Variants in ADPRM observed in about 807,000 individuals in gnomAD.
ADPRM encodes manganese-dependent ADP-ribose/CDP-alcohol diphosphatase.
In ADPRM, 17 loss-of-function variants were observed where a neutral mutation model predicts 27.2. The observed-to-expected ratio is 0.63, with a 90% CI of 0.43 to 0.94. The LOEUF is 0.94. Ranked by LOEUF, ADPRM falls within the 40% of genes least tolerant of loss-of-function variation. ADPRM has a pLI of 0.00. For missense variants in ADPRM, 337 were observed against 412.8 expected, an observed-to-expected ratio of 0.82 and a Z score of 1.59; for synonymous variants, 135 against 145.3, an observed-to-expected ratio of 0.93 and a Z score of 0.51.
chr17:10,710,438 T>C (rs1447003382), intron 3 of ADPRM, among the ~76,000 whole-genome samples: 1 of 152,214 alleles, frequency 6.6e-6, no homozygotes, highest in African/African-American at 2.4e-5. Context: ...TCTGTGTATA[T>C]AACATTCATA....
At position 10,697,594 on chromosome 17, in the gene ADPRM, G is replaced by A. The variant is rs990330571; in HGVS notation, c.-91G>A. 1.2e-5 allele frequency: 19 copies of A among 1,520,954 alleles called. No homozygotes were observed. The highest frequency in any genetic ancestry group is 1.7e-5 in the Non-Finnish European group (19 of 1,105,622). The allele number at this position is 1,520,954 out of a possible 1,614,324, so 94.2% of individuals were successfully genotyped here. ...TCCGGAAGTCGGAAGGAGTCGCTCTGTCCGTCCCGCTCGTTGGTGGCGCTG... is the reference window on the plus strand; with the variant it reads ...TCCGGAAGTCGGAAGGAGTCGCTCTATCCGTCCCGCTCGTTGGTGGCGCTG... On this transcript the variant is annotated 5_prime_UTR_variant, in exon 1 of 4. Transcript: ENST00000379774.
chr17:10,707,909 C>G (rs1172941189), intron 3 of ADPRM, among the ~76,000 whole-genome samples: 1 of 152,124 alleles, frequency 6.6e-6, no homozygotes, highest in Non-Finnish European at 1.5e-5. Flanking sequence ...ATACACGGAA[C>G]TGAATTTGGG....
At chr17:10,710,749 TCTGAGTACTAGC>T in intron 3 of ADPRM, 73 bp from the exon 4 acceptor site, 1 of 1,324,206 alleles carries the variant, frequency 7.6e-7, no homozygotes, top group South Asian at 1.4e-5. Flanking sequence ...TTTTTCTTTT[TCTGAGTACTAGC>T]TTTTAGCCAT....
In ADPRM at chr17:10,705,827, G is replaced by A. The variant is rs908747779; in HGVS notation, c.601+300G>A. 7.8e-6 allele frequency: 3 copies of A among 383,960 alleles called. No homozygotes were observed. The highest frequency in any genetic ancestry group is 5.4e-5 in the East Asian group (1 of 18,586). 23.8% of individuals were successfully genotyped at this position (383,960 alleles called of 1,614,324 possible). A position where few individuals can be genotyped will look rare whatever the true frequency, so the allele number is the denominator to read the frequency against. The stretch of plus-strand genomic sequence containing the variant: ...GGAATGGAGGGAACAAACACAGTAC[G>A]TGGGCAAGACAGATGATAAATGAAA... On this transcript the variant is annotated intron_variant, in intron 2 of 3. Transcript: ENST00000379774. This position sits in a 1 kb window ranked among gnomAD's most constrained non-coding sequence, Gnocchi z 5.4.
At chr17:10,701,299 GT>G (rs2074775420) in intron 1 of ADPRM, among the ~76,000 whole-genome samples, 1 of 151,362 alleles carries the variant, frequency 6.6e-6, no homozygotes, top group African/African-American at 2.4e-5. Flanking sequence ...TTTCTCTAAA[GT>G]TTTGAATTTT....
At position 10,697,655 on chromosome 17, in the gene ADPRM, G is replaced by T; in HGVS notation, c.-30G>T. On this transcript the variant is annotated 5_prime_UTR_variant, in exon 1 of 4. Transcript: ENST00000379774. ...CGTAGTCAGAGGCCTTTCAGCCCAG[G>T]GGCCGGCGCACGGTAGGTAGTTCCC... The T allele has an allele frequency of 1.0e-6, 1 of 999,536 alleles. No homozygotes were observed. Among genetic ancestry groups the T allele is most frequent in the Non-Finnish European group, 1.5e-6 (1 of 657,090 alleles). 61.9% of individuals were successfully genotyped at this position (999,536 alleles called of 1,614,324 possible).
chr17:10,697,836 T>C, intron 1 of ADPRM, 169 bp downstream of exon 1: 1 of 367,952 alleles, frequency 2.7e-6, no homozygotes, highest in Non-Finnish European at 4.9e-6. Context: ...GGTCGTGGGC[T>C]TCGGTGACCA....
At chr17:10,709,917 C>T (rs114015691) in intron 3 of ADPRM, among the ~76,000 whole-genome samples, 1,751 of 152,246 alleles carry the variant, frequency 0.012, 33 homozygotes, top group African/African-American at 0.039. Flanking sequence ...TCTACTTCCA[C>T]GTATCTCCTG....
At chr17:10,706,135 G>A (rs2074811161) in intron 2 of ADPRM, among the ~76,000 whole-genome samples, 1 of 152,170 alleles carries the variant, frequency 6.6e-6, no homozygotes, top group Non-Finnish European at 1.5e-5. Flanking sequence ...GGCCAGTGGG[G>A]TACAAGGTGA....
At chr17:10,700,593 GAAAA>G (rs61527217) in intron 1 of ADPRM, among the ~76,000 whole-genome samples, 2 of 110,416 alleles carry the variant, frequency 1.8e-5, no homozygotes, top group African/African-American at 6.3e-5. Context: ...CTCTACAAAA[GAAAA>G]AAAAAAAAAA....
At position 10,705,079 on chromosome 17, in the gene ADPRM, C is replaced by A. The variant is rs1249158379; in HGVS notation, c.153C>A (p.His51Gln). The A allele has an allele frequency of 1.9e-6, 3 of 1,614,160 alleles. No homozygotes were observed. The East Asian group carries it at 6.7e-5, about 36-fold the overall frequency. ...RRRYYRHSLL[H>Q]LQGAIEDWNN... ...GATACTACAGACATAGTCTTCTTCA[C>A]TTACAGGGTGCCATTGAAGACTGGA... is the stretch of plus-strand genomic sequence containing the variant. Residue 51 changes from histidine to glutamine, a missense_variant, in exon 2 of 4, where the codon CAC becomes CAA. Coordinates refer to ENST00000379774, the MANE Select transcript of ADPRM (RefSeq NM_020233.5). The surrounding 1 kb of genome is among the most constrained non-coding windows in gnomAD (Gnocchi z 5.4).
At chr17:10,700,822 CT>C (rs1355198215) in intron 1 of ADPRM, among the ~76,000 whole-genome samples, 1 of 151,544 alleles carries the variant, frequency 6.6e-6, no homozygotes, top group Non-Finnish European at 1.5e-5. Flanking sequence ...AAAATACTGG[CT>C]GCTTATCCTG....
intron 3 of ADPRM, among the ~76,000 whole-genome samples, chr17:10,707,894 A>G (rs577214912): frequency 2.0e-5 from 3 of 152,220 alleles, no homozygotes; most frequent in Non-Finnish European, 4.4e-5. Context: ...TGGGCACGTG[A>G]AAACATACAC....
chr17:10,698,048 G>A (rs1253678494), intron 1 of ADPRM: 1 of 156,000 alleles, frequency 6.4e-6, no homozygotes, highest in African/African-American at 2.4e-5. Context: ...GATTGAAATA[G>A]TCTTTAACTT....
intron 1 of ADPRM, among the ~76,000 whole-genome samples, chr17:10,703,097 C>T (rs2074789283): frequency 6.6e-6 from 1 of 152,060 alleles, no homozygotes; most frequent in Admixed American, 6.5e-5. Context: ...AAGGTTAATA[C>T]AACCTTGGTG....
chr17:10,711,066 CA>C lies in ADPRM; in HGVS notation c.955del (p.Met319Ter). Reference sequence around the variant, plus strand: ...TTGGCACAGTTCATGTCTATCCTGACAAAATGATGTTGAAAGGGAGAGGCAG... The same window carrying C: ...TTGGCACAGTTCATGTCTATCCTGACAAATGATGTTGAAAGGGAGAGGCAG... ...AFGTVHVYPDKMMLKGRGRVP... is the reference protein window; with the variant it reads ...AFGTVHVYPDXMMLKGRGRVP... On this transcript the variant is annotated frameshift_variant, in exon 4 of 4. Transcript: ENST00000379774. LOFTEE classifies it high-confidence loss of function. 6.2e-7 allele frequency: 1 copy of C among 1,614,028 alleles called. No individual in the cohort carries two copies. The highest frequency in any genetic ancestry group is 8.5e-7 in the Non-Finnish European group (1 of 1,179,978).
intron 3 of ADPRM, among the ~76,000 whole-genome samples, chr17:10,707,240 T>A (rs2074818695): frequency 6.6e-6 from 1 of 151,994 alleles, no homozygotes; most frequent in Non-Finnish European, 1.5e-5. Context: ...CAGGGCATGG[T>A]GGTGCGTGCC....
chr17:10,697,794 A>T, intron 1 of ADPRM, 127 bp downstream of exon 1: 1 of 399,862 alleles, frequency 2.5e-6, no homozygotes, highest in Non-Finnish European at 4.3e-6. Flanking sequence ...GGCCGAGGCA[A>T]GGCGGCCCCA....
chr17:10,700,103 C>T (rs1448962810), intron 1 of ADPRM, among the ~76,000 whole-genome samples: 2 of 152,186 alleles, frequency 1.3e-5, no homozygotes, highest in Non-Finnish European at 2.9e-5. Flanking sequence ...GCGTAGAAAA[C>T]ATATGCTGCA....
Sources: allele counts gnomAD v4.1 joint callset (sites outside exome capture counted in the v4.1 genomes callset), GRCh38; gene constraint gnomAD v4.1.1; non-coding constraint Gnocchi (gnomAD v3.1); transcripts MANE v1.5; gene names NCBI Gene and HGNC (gene_info 2026-07-23, HGNC 2026-07-21).